The following DMBT1 variants were observed in gnomAD, a reference collection of about 807,000 sequenced individuals.
DMBT1 encodes scavenger receptor cysteine-rich domain-containing protein DMBT1.
In DMBT1, 198 loss-of-function variants were observed where a neutral mutation model predicts 252.9. The observed-to-expected ratio is 0.78, with a 90% CI of 0.70 to 0.88. The LOEUF is 0.88. Ranked by LOEUF, DMBT1 falls within the 40% of genes least tolerant of loss-of-function variation. The pLI, the probability that DMBT1 is intolerant of heterozygous loss-of-function variation, is 0.00. For synonymous variants in DMBT1, 990 were observed against 942.7 expected (o/e 1.05, Z -0.92); for missense variants, 2,432 against 2,404.7 (o/e 1.01, Z -0.24).
At chr10:122,592,168 G>C in intron 19 of DMBT1, 104 bp from the exon 20 acceptor site, 2 of 1,507,474 alleles carry the variant, frequency 1.3e-6, no homozygotes, top group Non-Finnish European at 1.8e-6. Context: ...GTGACTGCTT[G>C]TCCAGGCGAC....
At chr10:122,585,436 G>T in intron 15 of DMBT1, 127 bp downstream of exon 15, 2 of 1,228,656 alleles carry the variant, frequency 1.6e-6, no homozygotes, top group Non-Finnish European at 1.2e-6. Flanking sequence ...GGTTGCATGG[G>T]AGGAAGGTAG....
chr10:122,638,668 C>A (rs1316893116), intron 54 of DMBT1, among the ~76,000 whole-genome samples: 1 of 152,206 alleles, frequency 6.6e-6, no homozygotes, highest in Admixed American at 6.5e-5. Flanking sequence ...TGATCTCGAA[C>A]TCCTGAGCTC....
Position 122,579,747 on chromosome 10 carries a change from C to G in DMBT1, c.849C>G (p.Ala283=). ...RQLGCGWAMS[A]PGNAQFGQGS... ...TGGGCTGTGGCTGGGCCATGTCAGC[C>G]CCAGGAAATGCCCAGTTTGGCCAGG... Residue 283 remains alanine (A), a synonymous_variant, in exon 10 of 56, where the codon GCC becomes GCG. Transcript: ENST00000338354. The G allele has an allele frequency of 6.2e-7, 1 of 1,613,766 alleles. No homozygotes were observed. Among genetic ancestry groups the G allele is most frequent in the Non-Finnish European group, 8.5e-7 (1 of 1,179,760 alleles).
intron 1 of DMBT1, among the ~76,000 whole-genome samples, chr10:122,565,334 ACTCT>A (rs2097581097): frequency 1.3e-5 from 2 of 152,110 alleles, no homozygotes; most frequent in African/African-American, 2.4e-5. Flanking sequence ...ATGAATAAAT[ACTCT>A]CTCTGATCTT....
intron 44 of DMBT1, among the ~76,000 whole-genome samples, 169 bp from the exon 45 acceptor site, chr10:122,625,105 CCAA>C (rs2098107710): frequency 6.6e-6 from 1 of 152,198 alleles, no homozygotes; most frequent in South Asian, 2.1e-4. Context: ...ATGAATTCTT[CCAA>C]CATCTTTTTT....
intron 44 of DMBT1, among the ~76,000 whole-genome samples, chr10:122,622,086 A>G (rs977744457): frequency 1.3e-5 from 2 of 152,140 alleles, no homozygotes; most frequent in African/African-American, 4.8e-5. Flanking sequence ...CCTGCAAGGG[A>G]AAGGGTTGGT....
In DMBT1 at chr10:122,580,038, G is replaced by C. The variant is rs1372895716; in HGVS notation, c.1003+137G>C. ...TGAAGACTTGTCAGCTCTCTGCTAAGAATCCATATGTACTCACTGCCTAGT... is the reference window on the plus strand; with the variant it reads ...TGAAGACTTGTCAGCTCTCTGCTAACAATCCATATGTACTCACTGCCTAGT... On this transcript the variant is annotated intron_variant, in intron 10 of 55. Coordinates refer to ENST00000338354, the MANE Select transcript of DMBT1 (RefSeq NM_001377530.1). 5.4e-6 allele frequency: 8 copies of C among 1,481,968 alleles called. No homozygotes were observed. In the Admixed American group the frequency reaches 1.6e-4, roughly 30 times the overall value. 91.8% of individuals were successfully genotyped at this position (1,481,968 alleles called of 1,614,324 possible).
chr10:122,620,614 G>A (rs1010941201), intron 43 of DMBT1, among the ~76,000 whole-genome samples: 3 of 152,234 alleles, frequency 2.0e-5, no homozygotes, highest in African/African-American at 4.8e-5. Context: ...GCAGACCTGC[G>A]AATAGTGGGG....
In DMBT1 at chr10:122,590,579, C is replaced by T. The variant is rs150954743; in HGVS notation, c.2108-86C>T. ...ATGGGGACATAGGGTGGACTGAAGG[C>T]GCTACCAGTTTAGTTCCTTGTACCT... is the stretch of plus-strand genomic sequence containing the variant. On this transcript the variant is annotated intron_variant, in intron 17 of 55. Transcript: ENST00000338354. 1.4e-4 allele frequency: 206 copies of T among 1,466,688 alleles called. 27 individuals are homozygous for T. The East Asian group carries it at 2.8e-3, about 20-fold the overall frequency. 90.9% of individuals were successfully genotyped at this position (1,466,688 alleles called of 1,614,324 possible).
In DMBT1 at chr10:122,593,529, G is replaced by T. The variant is rs1460471103; in HGVS notation, c.2501-40G>T. The T allele has an allele frequency of 1.9e-6, 3 of 1,583,708 alleles. No homozygotes were observed. In the African/African-American group the frequency reaches 4.0e-5, roughly 21 times the overall value. ...TCGTTCCAGTTTTGCCGACTTCTGTGTAATGTTCCTGATCTGACCTTCTCT... is the reference window on the plus strand; with the variant it reads ...TCGTTCCAGTTTTGCCGACTTCTGTTTAATGTTCCTGATCTGACCTTCTCT... On this transcript the variant is annotated intron_variant, in intron 20 of 55. Coordinates refer to ENST00000338354, the MANE Select transcript of DMBT1 (RefSeq NM_001377530.1).
chr10:122,598,145 G>A, intron 25 of DMBT1, 133 bp downstream of exon 25: 2 of 1,370,188 alleles, frequency 1.5e-6, no homozygotes, highest in Non-Finnish European at 2.1e-6. Flanking sequence ...ATGGGAGGAA[G>A]GTAGCGTCTC....
intron 1 of DMBT1, among the ~76,000 whole-genome samples, chr10:122,565,225 A>C (rs2097580068): frequency 1.3e-5 from 2 of 152,252 alleles, no homozygotes; most frequent in South Asian, 4.1e-4. Context: ...CATAGGAAAA[A>C]TAAAATCAGA....
intron 7 of DMBT1, among the ~76,000 whole-genome samples, chr10:122,577,046 G>A (rs886661875): frequency 6.6e-6 from 1 of 152,216 alleles, no homozygotes; most frequent in Non-Finnish European, 1.5e-5. Flanking sequence ...CCCAAGCTGC[G>A]AGCAGTGCCG....
At chr10:122,642,988 G>C (rs2133707765) in intron 55 of DMBT1, 134 bp from the exon 56 acceptor site, 1 of 1,227,228 alleles carries the variant, frequency 8.1e-7, no homozygotes, top group Admixed American at 2.1e-5. Context: ...CACACGTTCT[G>C]ACAGAAGGAA....
chr10:122,626,403 T>C (rs2098119287), intron 46 of DMBT1, among the ~76,000 whole-genome samples: 1 of 152,238 alleles, frequency 6.6e-6, no homozygotes. Flanking sequence ...CATGAATTAT[T>C]TGACAAATCA....
At position 122,598,896 on chromosome 10, in the gene DMBT1, G is replaced by A; in HGVS notation, c.3079G>A (p.Ala1027Thr). ...VCDDSWDTND[A>T]NVVCRQLGCG... is the part of the protein sequence containing the mutation. The stretch of plus-strand genomic sequence containing the variant: ...CGATGACAGCTGGGACACCAATGAT[G>A]CCAATGTCGTCTGCAGGCAACTGGG... The change falls in exon 26 of 56, where the codon GCC (alanine) becomes ACC (threonine). Residue 1027 changes from alanine (A) to threonine (T), a missense_variant. Coordinates refer to ENST00000338354, the MANE Select transcript of DMBT1 (RefSeq NM_001377530.1). 2 of 1,613,822 alleles carry A rather than the reference G, an allele frequency of 1.2e-6. No homozygotes were observed. Among genetic ancestry groups the A allele is most frequent in the Non-Finnish European group, 1.7e-6 (2 of 1,179,778 alleles).
intron 55 of DMBT1, among the ~76,000 whole-genome samples, chr10:122,640,807 A>C (rs1349556949): frequency 6.6e-6 from 1 of 152,218 alleles, no homozygotes; most frequent in Non-Finnish European, 1.5e-5. Flanking sequence ...CCATACGGTT[A>C]AAAAGACCTG....
Position 122,590,714 on chromosome 10 carries a change from C to T in DMBT1, c.2137+20C>T, listed in dbSNP as rs769095363. The T allele has an allele frequency of 6.3e-7, 1 of 1,585,634 alleles. No individual in the cohort carries two copies. The highest frequency in any genetic ancestry group is 8.6e-7 in the Non-Finnish European group (1 of 1,163,466). ...GGCCAGGTGAGTCCCCAGTGTCCTT[C>T]CTTGGGATGTCCCTTTTCTTTCTGC... On this transcript the variant is annotated intron_variant, in intron 18 of 55. Coordinates refer to ENST00000338354, the MANE Select transcript of DMBT1 (RefSeq NM_001377530.1).
chr10:122,589,611 G>T (rs1565726116), intron 17 of DMBT1, among the ~76,000 whole-genome samples: 1 of 148,420 alleles, frequency 6.7e-6, no homozygotes, highest in African/African-American at 2.4e-5. Flanking sequence ...AGGCAGATTT[G>T]GGTCTTGGCT....
Sources: gnomAD v4.1 joint callset for allele counts (sites outside exome capture counted in the v4.1 genomes callset) on GRCh38, gnomAD v4.1.1 for gene constraint, MANE v1.5 for transcripts, NCBI Gene and HGNC (gene_info 2026-07-23, HGNC 2026-07-21) for gene names.